Variants in ACTR3B observed in about 807,000 individuals in gnomAD.
ACTR3B encodes the protein actin related protein 3B, also known as actin-related protein 3B.
In ACTR3B, 8 loss-of-function variants were observed where a neutral mutation model predicts 59.0. The ratio of observed to expected loss-of-function variants is 0.14; its 90% confidence interval spans 0.08 to 0.24. The LOEUF (loss-of-function observed/expected upper bound fraction) is 0.24, where lower values mean the gene tolerates loss of function less well. Among genes scored for constraint, ACTR3B ranks in the 10% least tolerant of loss-of-function variants. The probability of loss-of-function intolerance (pLI) is 1.00; values close to 1 mark genes in which losing one functional copy is unlikely to be tolerated. For missense variants in ACTR3B, 245 were observed against 552.3 expected, an observed-to-expected ratio of 0.44 and a Z score of 5.58; for synonymous variants, 148 against 197.9, an observed-to-expected ratio of 0.75 and a Z score of 2.12.
intron 4 of ACTR3B, among the ~76,000 whole-genome samples, chr7:152,804,121 C>T (rs1440598479): frequency 2.6e-5 from 4 of 152,082 alleles, no homozygotes; most frequent in Non-Finnish European, 2.9e-5. Flanking sequence ...CTCCTTGCCA[C>T]TGACTGTTTT....
At chr7:152,849,295 A>T (rs1798609597) in intron 9 of ACTR3B, among the ~76,000 whole-genome samples, 1 of 152,050 alleles carries the variant, frequency 6.6e-6, no homozygotes, top group Admixed American at 6.5e-5. Flanking sequence ...GTTCCCTGTG[A>T]GTAGAAGTGT....
intron 3 of ACTR3B, among the ~76,000 whole-genome samples, 186 bp from the exon 4 acceptor site, chr7:152,801,435 T>A (rs1407620713): frequency 1.3e-5 from 2 of 152,242 alleles, no homozygotes; most frequent in African/African-American, 4.8e-5. Flanking sequence ...TGGAGGAGAA[T>A]ATGAACAATA....
intron 1 of ACTR3B, among the ~76,000 whole-genome samples, chr7:152,782,021 G>A (rs1450250187): frequency 1.3e-5 from 2 of 151,100 alleles, no homozygotes; most frequent in Non-Finnish European, 2.9e-5. Flanking sequence ...GTGATTTGAG[G>A]GGAGCTGACT....
At chr7:152,804,549 G>C (rs1323599479) in intron 4 of ACTR3B, among the ~76,000 whole-genome samples, 2 of 152,188 alleles carry the variant, frequency 1.3e-5, no homozygotes, top group African/African-American at 4.8e-5. Flanking sequence ...CCCCATGTGA[G>C]GTGACAGGTG....
At chr7:152,813,623 C>G (rs1240001963) in intron 4 of ACTR3B, 1 of 152,088 alleles carries the variant, frequency 6.6e-6, no homozygotes, top group Non-Finnish European at 1.5e-5. Flanking sequence ...CCTTCACCTC[C>G]GAGGCTCAAG....
chr7:152,774,007 T>C lies in ACTR3B; in HGVS notation c.45-9180T>C, dbSNP rs186967630. On this transcript the variant is annotated intron_variant, in intron 1 of 11. Coordinates refer to ENST00000256001, the MANE Select transcript of ACTR3B (RefSeq NM_020445.6). The stretch of plus-strand genomic sequence containing the variant: ...GTGTGTTGGGCTCGTTCTCAGCTCT[T>C]GCCCCTGCTGTCTTTCTTATATCTC... 2.3e-3 allele frequency among the ~76,000 whole-genome samples: 344 copies of C among 152,350 alleles called. 3 individuals carry two copies. Among genetic ancestry groups the C allele is most frequent in the Middle Eastern group, 3.4e-3 (1 of 294 alleles).
At chr7:152,838,647 G>A (rs761240191) in intron 9 of ACTR3B, among the ~76,000 whole-genome samples, 3,911 of 139,028 alleles carry the variant, frequency 0.028, no homozygotes, top group African/African-American at 0.049. Context: ...AAACCTGCAC[G>A]TTCTGCACAT....
intron 1 of ACTR3B, among the ~76,000 whole-genome samples, chr7:152,761,478 G>T (rs547957875): frequency 6.6e-6 from 1 of 152,322 alleles, no homozygotes; most frequent in East Asian, 1.9e-4. Flanking sequence ...ATACCTTTAA[G>T]ATTAGTAAGT....
At chr7:152,847,654 G>A (rs116762372) in intron 9 of ACTR3B, among the ~76,000 whole-genome samples, 269 of 152,328 alleles carry the variant, frequency 1.8e-3, no homozygotes, top group African/African-American at 6.0e-3. Flanking sequence ...GCAGAAGAGC[G>A]CAGCAGGGTC....
At chr7:152,826,325 TAAATA>T (rs1256979838) in intron 9 of ACTR3B, among the ~76,000 whole-genome samples, 2 of 151,994 alleles carry the variant, frequency 1.3e-5, no homozygotes, top group Non-Finnish European at 2.9e-5. Flanking sequence ...ACTCTTAAAG[TAAATA>T]AAATATCTTT....
At chr7:152,761,506 T>C (rs1208208931) in intron 1 of ACTR3B, among the ~76,000 whole-genome samples, 2 of 152,284 alleles carry the variant, frequency 1.3e-5, no homozygotes, top group East Asian at 3.9e-4. Flanking sequence ...CTTACTCATC[T>C]TTCTTGCTAT....
At chr7:152,822,910 T>A (rs1590370539) in intron 7 of ACTR3B, among the ~76,000 whole-genome samples, 1 of 151,804 alleles carries the variant, frequency 6.6e-6, no homozygotes, top group Admixed American at 6.6e-5. Context: ...TGCAGTCAGG[T>A]TTAGGGTGTA....
At chr7:152,828,573 T>C (rs1796768391) in intron 9 of ACTR3B, among the ~76,000 whole-genome samples, 1 of 152,124 alleles carries the variant, frequency 6.6e-6, no homozygotes, top group Non-Finnish European at 1.5e-5. Flanking sequence ...AAAATAATTC[T>C]AAAACACTGT....
At chr7:152,852,334 G>GCTTGTCTGGGCCCTT in intron 10 of ACTR3B, 83 bp downstream of exon 10, 1 of 1,478,402 alleles carries the variant, frequency 6.8e-7, no homozygotes, top group Non-Finnish European at 9.0e-7. Flanking sequence ...AGCCGAAGGA[G>GCTTGTCTGGGCCCTT]CTTGTCTGGG....
chr7:152,841,505 T>A (rs895295708), intron 9 of ACTR3B, among the ~76,000 whole-genome samples: 4 of 152,098 alleles, frequency 2.6e-5, no homozygotes, highest in Admixed American at 2.0e-4. Context: ...TTGTTGAGTT[T>A]ACTGGTTCAC....
chr7:152,849,293 T>A (rs1156705902), intron 9 of ACTR3B, among the ~76,000 whole-genome samples: 1 of 151,866 alleles, frequency 6.6e-6, no homozygotes, highest in Non-Finnish European at 1.5e-5. Flanking sequence ...CTGTTCCCTG[T>A]GAGTAGAAGT....
intron 2 of ACTR3B, among the ~76,000 whole-genome samples, chr7:152,785,518 GAA>G (rs1491199918): frequency 1.6e-4 from 21 of 129,404 alleles, no homozygotes; most frequent in Non-Finnish European, 1.6e-5. Flanking sequence ...AGAGGAGAGA[GAA>G]GAGAGAGAAG....
chr7:152,853,490 C>A lies in ACTR3B; in HGVS notation c.1078-4C>A, dbSNP rs758911152. On this transcript the variant is annotated splice_region_variant and splice_polypyrimidine_tract_variant and intron_variant, in intron 10 of 11. Transcript: ENST00000256001. ...GGGTAAGTGAGAGCTGCTTTCTCTT[C>A]CAGCCGAAGCCTGTGGAGGTCCAGG... is the stretch of plus-strand genomic sequence containing the variant. 6.2e-7 allele frequency: 1 copy of A among 1,613,700 alleles called. No homozygotes were observed. The highest frequency in any genetic ancestry group is 2.2e-5 in the East Asian group (1 of 44,852).
At chr7:152,832,304 G>T (rs2462089) in intron 9 of ACTR3B, among the ~76,000 whole-genome samples, 1 of 152,172 alleles carries the variant, frequency 6.6e-6, no homozygotes, top group African/African-American at 2.4e-5. Flanking sequence ...TTGAGTTGCA[G>T]TTGTAGGTTG....
Sources: gnomAD v4.1 joint callset for allele counts (sites outside exome capture counted in the v4.1 genomes callset) on GRCh38, gnomAD v4.1.1 for gene constraint, MANE v1.5 for transcripts, NCBI Gene and HGNC (gene_info 2026-07-23, HGNC 2026-07-21) for gene names.